DIPK1A: variants seen among roughly 807,000 people sequenced by gnomAD.
DIPK1A encodes the protein divergent protein kinase domain 1A.
In DIPK1A, 27 loss-of-function variants were observed where a neutral mutation model predicts 40.8. The ratio of observed to expected loss-of-function variants is 0.66; its 90% CI spans 0.49 to 0.91. DIPK1A has a LOEUF of 0.91. Ranked by LOEUF, DIPK1A falls within the 40% of genes least tolerant of loss-of-function variation. The pLI is 0.00. For missense variants in DIPK1A, 412 were observed against 505.7 expected, an observed-to-expected ratio of 0.81 and a Z score of 1.78; for synonymous variants, 166 against 171.3, an observed-to-expected ratio of 0.97 and a Z score of 0.24.
At chr1:92,942,132 C>A (rs1050935461) in intron 1 of DIPK1A, among the ~76,000 whole-genome samples, 1 of 152,140 alleles carries the variant, frequency 6.6e-6, no homozygotes, top group African/African-American at 2.4e-5. Context: ...CAACATGATA[C>A]AGTTTATGAA....
chr1:92,906,479 T>C (rs1012249414), intron 1 of DIPK1A, among the ~76,000 whole-genome samples: 7 of 152,208 alleles, frequency 4.6e-5, no homozygotes, highest in Non-Finnish European at 8.8e-5. Context: ...AGTAAGTTAT[T>C]AAGCTTCTTT....
chr1:92,859,265 TCTTCCAC>T, intron 2 of DIPK1A, among the ~76,000 whole-genome samples: 1 of 152,272 alleles, frequency 6.6e-6, no homozygotes, highest in Admixed American at 6.5e-5. Context: ...TGCCTGAAAA[TCTTCCAC>T]GTCTCTCGTC....
rs188130404 is a variant in DIPK1A, at chr1:92,890,141, C to A, written c.55-13711G>T. Among the ~76,000 whole-genome samples, 224 of 152,122 alleles carry A rather than the reference C, an allele frequency of 1.5e-3. 1 individual carries two copies. The highest frequency in any genetic ancestry group is 5.3e-3 in the African/African-American group (218 of 41,490). On this transcript the variant is annotated intron_variant, in intron 1 of 4. Coordinates refer to ENST00000370310, the MANE Select transcript of DIPK1A (RefSeq NM_001006605.5). ...AGTTCATTGTTGATATATAGAAATA[C>A]TACTGATTTTTGTATATTGATTTTG...
chr1:92,890,408 T>C (rs1441473365), intron 1 of DIPK1A, among the ~76,000 whole-genome samples: 3 of 152,218 alleles, frequency 2.0e-5, no homozygotes, highest in African/African-American at 4.8e-5. Context: ...CTTAGAGAAA[T>C]AGCTTTCAGC....
chr1:92,885,073 TA>T (rs1288977379), intron 1 of DIPK1A, among the ~76,000 whole-genome samples: 2 of 152,166 alleles, frequency 1.3e-5, no homozygotes, highest in African/African-American at 4.8e-5. Flanking sequence ...TATTGAAACA[TA>T]ATCTCCCCTT....
downstream of DIPK1A, among the ~76,000 whole-genome samples, chr1:92,838,526 A>T (rs911321453): frequency 1.3e-5 from 2 of 152,168 alleles, no homozygotes; most frequent in Non-Finnish European, 2.9e-5. Flanking sequence ...GCTTTCCTGT[A>T]TATGTGCCTT....
At chr1:92,895,569 G>T (rs1335978766) in intron 1 of DIPK1A, among the ~76,000 whole-genome samples, 1 of 152,012 alleles carries the variant, frequency 6.6e-6, no homozygotes, top group Non-Finnish European at 1.5e-5. Context: ...GCAAAAATTG[G>T]AAGCATTCCC....
chr1:92,852,500 C>CA lies in DIPK1A; in HGVS notation c.190-1546dup, dbSNP rs200875220. ...GGGCAAGAAGAGCGAATCTCCGTCT[C>CA]AAAAAAAAAGAAAAAAATTTCTAGA... On this transcript the variant is annotated intron_variant, in intron 2 of 4. Coordinates refer to ENST00000370310, the MANE Select transcript of DIPK1A (RefSeq NM_001006605.5). Among the ~76,000 whole-genome samples the CA allele has an allele frequency of 3.5e-3, 507 of 146,820 alleles. 4 individuals carry two copies. Among genetic ancestry groups the CA allele is most frequent in the African/African-American group, 0.011 (455 of 39,864 alleles).
intron 4 of DIPK1A, among the ~76,000 whole-genome samples, chr1:92,835,994 G>A (rs576591230): frequency 1.3e-5 from 2 of 152,244 alleles, no homozygotes; most frequent in African/African-American, 4.8e-5. Flanking sequence ...TGTTTCAAGT[G>A]AAATTGAATG....
downstream of DIPK1A, chr1:92,837,352 G>A (rs745446227): frequency 1.5e-5 from 15 of 980,404 alleles, no homozygotes; most frequent in Non-Finnish European, 2.3e-5. Flanking sequence ...CATATGATGC[G>A]ATAATTGTTT....
intron 2 of DIPK1A, among the ~76,000 whole-genome samples, chr1:92,854,882 TGGGAA>T (rs1687932692): frequency 6.6e-6 from 1 of 152,120 alleles, no homozygotes; most frequent in Non-Finnish European, 1.5e-5. Context: ...GCAAAGGTGA[TGGGAA>T]GTCTGAGGCC....
intron 2 of DIPK1A, among the ~76,000 whole-genome samples, chr1:92,852,411 T>C (rs1687852450): frequency 6.6e-6 from 1 of 151,122 alleles, no homozygotes; most frequent in Non-Finnish European, 1.5e-5. Context: ...GGTGGAAGAG[T>C]CGCTTGAACC....
At position 92,888,741 on chromosome 1, in the gene DIPK1A, C is replaced by A. The variant is rs893949844; in HGVS notation, c.55-12311G>T. ...AGCCATTATAACTGGGTTTAGATAT[C>A]TCATTGTGGATTTTATTTGCATTTC... On this transcript the variant is annotated intron_variant, in intron 1 of 4. Coordinates refer to ENST00000370310, the MANE Select transcript of DIPK1A (RefSeq NM_001006605.5). Among the ~76,000 whole-genome samples, 3 of 152,244 alleles carry A rather than the reference C, an allele frequency of 2.0e-5. No homozygotes were observed. In the East Asian group the frequency reaches 5.8e-4, roughly 29 times the overall value.
At chr1:92,835,032 C>T (rs1687063137) in intron 4 of DIPK1A, 1 of 1,434,354 alleles carries the variant, frequency 7.0e-7, no homozygotes, top group South Asian at 1.2e-5. Flanking sequence ...GTGCTTGCTT[C>T]CAGTTTTCTG....
chr1:92,936,580 G>C (rs1477069911), intron 1 of DIPK1A, among the ~76,000 whole-genome samples: 1 of 146,230 alleles, frequency 6.8e-6, no homozygotes, highest in East Asian at 2.0e-4. Flanking sequence ...GATGGGCCGA[G>C]ATCACACCAC....
rs1367126853 is a variant in DIPK1A, at chr1:92,833,876, C to G, written c.475-842G>C. On this transcript the variant is annotated intron_variant, in intron 4 of 4. Transcript: ENST00000615519. ...GCTCATGCCTGTAATCCCAGCACTT[C>G]GGGAAGATTGCTTGAGCCCAGGAGT... is the stretch of plus-strand genomic sequence containing the variant. 2.4e-5 allele frequency: 13 copies of G among 550,556 alleles called. No individual in the cohort carries two copies. The East Asian group carries it at 3.5e-4, about 15-fold the overall frequency. The allele number at this position is 550,556 out of a possible 1,614,324, so 34.1% of individuals were successfully genotyped here. A position where few individuals can be genotyped will look rare whatever the true frequency, so the allele number is the denominator to read the frequency against.
intron 1 of DIPK1A, among the ~76,000 whole-genome samples, chr1:92,956,637 A>G (rs1651867002): frequency 6.6e-6 from 1 of 152,228 alleles, no homozygotes; most frequent in Admixed American, 6.5e-5. Flanking sequence ...ATTAATCTGT[A>G]TCAGTAACCC....
chr1:92,960,318 T>C (rs1317677365), intron 1 of DIPK1A, among the ~76,000 whole-genome samples: 2 of 152,186 alleles, frequency 1.3e-5, no homozygotes, highest in East Asian at 3.8e-4. Context: ...TGCCTCATGA[T>C]GGTTACCTTC....
chr1:92,939,049 C>T lies in DIPK1A; in HGVS notation c.54+22327G>A, dbSNP rs183398939. Reference sequence around the variant, plus strand: ...ACAAGTAGCTGGGATTACAGGCGCCCGCCACCACGCCTGGCTAATTTTTCG... The same window carrying T: ...ACAAGTAGCTGGGATTACAGGCGCCTGCCACCACGCCTGGCTAATTTTTCG... On this transcript the variant is annotated intron_variant, in intron 1 of 4. Transcript: ENST00000370310. Among the ~76,000 whole-genome samples, 37 of 152,092 alleles carry T rather than the reference C, an allele frequency of 2.4e-4. 1 individual carries two copies. The East Asian group carries it at 5.2e-3, about 21-fold the overall frequency.
Sources: gnomAD v4.1 joint callset for allele counts (sites outside exome capture counted in the v4.1 genomes callset) on GRCh38, gnomAD v4.1.1 for gene constraint, MANE v1.5 for transcripts, NCBI Gene and HGNC (gene_info 2026-07-23, HGNC 2026-07-21) for gene names.